GABRA3: variants seen among roughly 807,000 people sequenced by gnomAD.
GABRA3 encodes gamma-aminobutyric acid type A receptor subunit alpha3, also known as gamma-aminobutyric acid receptor subunit alpha-3.
Under a neutral mutation model 30.1 loss-of-function variants are expected in GABRA3, and 10 were observed. The observed-to-expected ratio is 0.33, with a 90% CI of 0.20 to 0.56. GABRA3 has a LOEUF of 0.56. Ranked by LOEUF, GABRA3 falls within the 20% of genes least tolerant of loss-of-function variation. GABRA3 has a pLI of 0.89. For synonymous variants in GABRA3, 151 were observed against 146.8 expected, an observed-to-expected ratio of 1.03 and a Z score of -0.21; for missense variants, 233 against 392.0, an observed-to-expected ratio of 0.59 and a Z score of 3.42.
chrX:152,364,978 T>C (rs886986573), intron 1 of GABRA3, among the ~76,000 whole-genome samples: 1 of 111,538 alleles, frequency 9.0e-6, no homozygotes, highest in Non-Finnish European at 1.9e-5. Context: ...TCTTATAATC[T>C]AAGATCTTAA....
At chrX:152,193,632 C>T (rs938904181) in intron 8 of GABRA3, among the ~76,000 whole-genome samples, 2 of 112,498 alleles carry the variant, frequency 1.8e-5, no homozygotes, top group Non-Finnish European at 3.7e-5. Context: ...GTAATTTTAC[C>T]ATTTAACATT....
At chrX:152,278,334 C>T (rs1221622805) in intron 4 of GABRA3, among the ~76,000 whole-genome samples, 1 of 105,677 alleles carries the variant, frequency 9.5e-6, no homozygotes, top group Non-Finnish European at 1.9e-5. Flanking sequence ...TGTTCAATTC[C>T]CACCTATGAG....
At chrX:152,236,622 G>C (rs1938220778) in intron 5 of GABRA3, among the ~76,000 whole-genome samples, 1 of 107,146 alleles carries the variant, frequency 9.3e-6, no homozygotes, top group Non-Finnish European at 1.9e-5. Flanking sequence ...CAGTGTAAAA[G>C]TGTTCCTATT....
intron 5 of GABRA3, among the ~76,000 whole-genome samples, chrX:152,248,464 T>C (rs1292209760): frequency 5.4e-5 from 6 of 111,101 alleles, no homozygotes; most frequent in Non-Finnish European, 3.8e-5. Flanking sequence ...GTTGTGCACA[T>C]GTACCCTAAA....
chrX:152,185,383 T>C (rs980591199), intron 9 of GABRA3, among the ~76,000 whole-genome samples: 3 of 111,732 alleles, frequency 2.7e-5, no homozygotes, highest in Non-Finnish European at 5.6e-5. Context: ...ATTCTTTTTG[T>C]TCTCTCTATT....
intron 1 of GABRA3, among the ~76,000 whole-genome samples, chrX:152,417,174 T>G (rs1285522746): frequency 8.4e-5 from 9 of 107,614 alleles, no homozygotes; most frequent in Non-Finnish European, 1.3e-4. Context: ...CAAACAAATT[T>G]ACAAGAAAAC....
intron 1 of GABRA3, among the ~76,000 whole-genome samples, chrX:152,365,084 G>A (rs747849102): frequency 3.6e-5 from 4 of 111,373 alleles, no homozygotes; most frequent in East Asian, 5.6e-4. Context: ...GTGTAATATC[G>A]TAGAGAATCC....
chrX:152,279,250 C>CAA (rs1378892655), intron 4 of GABRA3, among the ~76,000 whole-genome samples: 3 of 111,958 alleles, frequency 2.7e-5, no homozygotes, highest in Non-Finnish European at 5.6e-5. Flanking sequence ...TTAGGTCTAA[C>CAA]ATTTAAGTCT....
At chrX:152,444,002 C>T (rs1235970186) in intron 1 of GABRA3, among the ~76,000 whole-genome samples, 1 of 110,819 alleles carries the variant, frequency 9.0e-6, no homozygotes, top group Admixed American at 9.6e-5. Flanking sequence ...CACAGAAACA[C>T]ATCTGAAAGG....
intron 3 of GABRA3, among the ~76,000 whole-genome samples, chrX:152,320,246 A>G (rs1939941810): frequency 8.9e-6 from 1 of 111,842 alleles, no homozygotes; most frequent in East Asian, 2.8e-4. Context: ...AAAAGAAGTC[A>G]TTATATGAAG....
At chrX:152,270,759 G>A (rs768758316) in intron 4 of GABRA3, among the ~76,000 whole-genome samples, 2 of 109,077 alleles carry the variant, frequency 1.8e-5, no homozygotes, top group South Asian at 8.1e-4. Context: ...GGAGGCTGAG[G>A]TAGGAGAATC....
intron 8 of GABRA3, among the ~76,000 whole-genome samples, chrX:152,195,282 A>C (rs1352761123): frequency 8.9e-6 from 1 of 112,077 alleles, no homozygotes; most frequent in Non-Finnish European, 1.9e-5. Flanking sequence ...AGGCCAAAAA[A>C]AACATGCTTC....
At chrX:152,279,858 A>G (rs1218844134) in intron 4 of GABRA3, among the ~76,000 whole-genome samples, 1 of 110,917 alleles carries the variant, frequency 9.0e-6, no homozygotes, top group African/African-American at 3.3e-5. Context: ...TAGGTATTTT[A>G]TTCTCTTTGA....
At chrX:152,373,093 C>T (rs1333466199) in intron 1 of GABRA3, among the ~76,000 whole-genome samples, 1 of 111,966 alleles carries the variant, frequency 8.9e-6, no homozygotes, top group Non-Finnish European at 1.9e-5. Flanking sequence ...TCAGTTCATA[C>T]TTCTATCTTT....
At chrX:152,199,210 C>A (rs1937437475) in intron 7 of GABRA3, among the ~76,000 whole-genome samples, 1 of 107,379 alleles carries the variant, frequency 9.3e-6, no homozygotes, top group South Asian at 4.1e-4. Context: ...ACTAAAAATA[C>A]AAAATATTAG....
intron 5 of GABRA3, among the ~76,000 whole-genome samples, chrX:152,231,302 CGTGTGTGTACACGT>C (rs779062342): frequency 3.9e-4 from 41 of 105,073 alleles, no homozygotes; most frequent in East Asian, 1.8e-3. Flanking sequence ...TGTATATATA[CGTGTGTGTACACGT>C]GTGTGTGTAC....
Position 152,421,258 on chromosome X carries a change from A to G in GABRA3, c.-27+29888T>C, listed in dbSNP as rs756459982. Among the ~76,000 whole-genome samples the G allele has an allele frequency of 7.2e-5, 8 of 111,111 alleles. No individual in the cohort carries two copies. The East Asian group carries it at 2.3e-3, about 32-fold the overall frequency. Reference sequence around the variant, plus strand: ...AAGGAAACAACATACTGTAAGCCATAGAAATTTACTCGTTTATATCAATTA... The same window carrying G: ...AAGGAAACAACATACTGTAAGCCATGGAAATTTACTCGTTTATATCAATTA... On this transcript the variant is annotated intron_variant, in intron 1 of 9. Transcript: ENST00000370314.
Position 152,212,744 on chromosome X carries a change from A to G in GABRA3, c.635-4600T>C, listed in dbSNP as rs754288109. ...TTTCATGGTGCTTAAGAAAGGAAAAAGGACATTTTAAAAAGATTCTACATG... is the reference window on the plus strand; with the variant it reads ...TTTCATGGTGCTTAAGAAAGGAAAAGGGACATTTTAAAAAGATTCTACATG... On this transcript the variant is annotated intron_variant, in intron 6 of 9. Coordinates refer to ENST00000370314, the MANE Select transcript of GABRA3 (RefSeq NM_000808.4). Among the ~76,000 whole-genome samples the G allele has an allele frequency of 3.5e-4, 39 of 112,055 alleles. No homozygotes were observed. The South Asian group carries it at 0.011, about 31-fold the overall frequency.
At chrX:152,425,634 T>C (rs1010313535) in intron 1 of GABRA3, among the ~76,000 whole-genome samples, 4 of 111,354 alleles carry the variant, frequency 3.6e-5, no homozygotes, top group Admixed American at 9.6e-5. Flanking sequence ...GTGCCCTTAG[T>C]GCATCACATC....
Sources: allele counts gnomAD v4.1 joint callset (sites outside exome capture counted in the v4.1 genomes callset), GRCh38; gene constraint gnomAD v4.1.1; transcripts MANE v1.5; gene names NCBI Gene and HGNC (gene_info 2026-07-23, HGNC 2026-07-21).